CAGE1: variants seen among roughly 807,000 people sequenced by gnomAD.
CAGE1 encodes the protein cancer antigen 1, also known as cancer-associated gene 1 protein.
CAGE1 carries 66 observed loss-of-function variants against 94.9 expected under a neutral mutation model. The ratio of observed to expected loss-of-function variants is 0.70; its 90% CI spans 0.57 to 0.85. The LOEUF (loss-of-function observed/expected upper bound fraction) is 0.85. Among genes scored for constraint, CAGE1 ranks in the 40% least tolerant of loss-of-function variants. The pLI is 0.00. For missense variants in CAGE1, 865 were observed against 950.4 expected, an observed-to-expected ratio of 0.91 and a Z score of 1.18; for synonymous variants, 319 against 321.0, an observed-to-expected ratio of 0.99 and a Z score of 0.07.
At chr6:7,376,062 G>A (rs936021657) in intron 4 of CAGE1, among the ~76,000 whole-genome samples, 6 of 152,134 alleles carry the variant, frequency 3.9e-5, no homozygotes, top group African/African-American at 1.4e-4. Flanking sequence ...TATCACAGGA[G>A]TGTGTTAGTT....
chr6:7,355,026 G>T lies in CAGE1; in HGVS notation c.2369+15C>A. On this transcript the variant is annotated intron_variant, in intron 11 of 13. Transcript: ENST00000502583. Reference sequence around the variant, plus strand: ...TAAATATTCACAAAATTAAGGATTCGTTTTTTCAACTTACTGTGCAATCTG... The same window carrying T: ...TAAATATTCACAAAATTAAGGATTCTTTTTTTCAACTTACTGTGCAATCTG... 6.3e-7 allele frequency: 1 copy of T among 1,581,230 alleles called. No individual in the cohort carries two copies. Among genetic ancestry groups the T allele is most frequent in the Non-Finnish European group, 8.6e-7 (1 of 1,156,806 alleles).
intron 9 of CAGE1, among the ~76,000 whole-genome samples, chr6:7,360,048 C>T (rs1010308918): frequency 2.0e-5 from 3 of 152,120 alleles, no homozygotes; most frequent in African/African-American, 4.8e-5. Flanking sequence ...GCTTAGGTCC[C>T]CTCTCTTCAT....
chr6:7,381,939 A>G (rs564664571), intron 3 of CAGE1, among the ~76,000 whole-genome samples: 10 of 150,632 alleles, frequency 6.6e-5, no homozygotes, highest in Non-Finnish European at 8.9e-5. Context: ...TCCTGGGTTC[A>G]CGCCATTCTC....
At chr6:7,367,116 A>C (rs760941865) in intron 7 of CAGE1, among the ~76,000 whole-genome samples, 23 of 152,120 alleles carry the variant, frequency 1.5e-4, no homozygotes, top group Non-Finnish European at 3.1e-4. Context: ...AATAATTAAC[A>C]GCTAATGGTC....
intron 6 of CAGE1, among the ~76,000 whole-genome samples, chr6:7,369,260 G>A (rs1434631653): frequency 3.9e-5 from 6 of 152,034 alleles, no homozygotes; most frequent in Admixed American, 1.3e-4. Flanking sequence ...TGCCCGCCTC[G>A]GCCTCCCAAA....
intron 5 of CAGE1, among the ~76,000 whole-genome samples, chr6:7,372,015 A>C (rs1391689439): frequency 1.3e-5 from 2 of 152,198 alleles, no homozygotes; most frequent in African/African-American, 4.8e-5. Context: ...ATAATAAAAG[A>C]TTACAGCTTC....
chr6:7,349,619 A>G (rs1168834488), intron 11 of CAGE1, among the ~76,000 whole-genome samples: 1 of 152,180 alleles, frequency 6.6e-6, no homozygotes, highest in Non-Finnish European at 1.5e-5. Flanking sequence ...CACTTAAAAG[A>G]TACAGAACTG....
chr6:7,385,365 T>C (rs1344766193), intron 3 of CAGE1, among the ~76,000 whole-genome samples: 1 of 151,698 alleles, frequency 6.6e-6, no homozygotes, highest in Non-Finnish European at 1.5e-5. Context: ...TGCAGTGACA[T>C]GATCATAGCT....
chr6:7,375,949 T>A (rs1392519888), intron 4 of CAGE1, among the ~76,000 whole-genome samples: 1 of 152,150 alleles, frequency 6.6e-6, no homozygotes, highest in Non-Finnish European at 1.5e-5. Flanking sequence ...TTTAAATGCA[T>A]CCCCTAAAGT....
At chr6:7,330,960 A>G (rs1360434484) in intron 12 of CAGE1, among the ~76,000 whole-genome samples, 1 of 152,234 alleles carries the variant, frequency 6.6e-6, no homozygotes, top group Non-Finnish European at 1.5e-5. Flanking sequence ...AAAAAATTCC[A>G]TTGTTTCTCT....
rs1354873560 is a variant in CAGE1, at chr6:7,387,537, G to C, written c.-23-341C>G. ...CAAAATCCTGGATTTTTATTTACTT[G>C]ATACCTTCCACTTGAACACCTCACT... On this transcript the variant is annotated intron_variant, in intron 1 of 13. Transcript: ENST00000502583. 5.3e-5 allele frequency among the ~76,000 whole-genome samples: 8 copies of C among 152,184 alleles called. No homozygotes were observed. The South Asian group carries it at 1.2e-3, about 24-fold the overall frequency.
intron 3 of CAGE1, among the ~76,000 whole-genome samples, chr6:7,381,321 C>T (rs951956056): frequency 9.9e-5 from 15 of 152,128 alleles, no homozygotes; most frequent in African/African-American, 3.4e-4. Flanking sequence ...AGACAAAAGG[C>T]CATGTGAGAC....
rs115607124 is a variant in CAGE1, at chr6:7,383,054, G to A, written c.283+2731C>T. 3.7e-3 allele frequency among the ~76,000 whole-genome samples: 555 copies of A among 151,210 alleles called. 3 individuals are homozygous for A. The highest frequency in any genetic ancestry group is 0.011 in the Admixed American group (159 of 15,078). On this transcript the variant is annotated intron_variant, in intron 3 of 13. Transcript: ENST00000502583. ...CTGGTGGGAGGCAATTAAATCATGG[G>A]AACGGTTTTCCCCATGCTGTTCTTG... is the stretch of plus-strand genomic sequence containing the variant.
Position 7,339,672 on chromosome 6 carries a change from G to T in CAGE1, c.2370-5582C>A. On this transcript the variant is annotated intron_variant, in intron 11 of 13. Coordinates refer to ENST00000502583, the MANE Select transcript of CAGE1 (RefSeq NM_001170692.2). This position sits in a 1 kb window ranked among gnomAD's most constrained non-coding sequence, Gnocchi z 4.7. ...TATGAGTGAGAACATATGATGTTTG[G>T]TTTTCCATTCCTGAGCTACTTCACT... 1.7e-6 allele frequency: 1 copy of T among 585,326 alleles called. No individual in the cohort carries two copies. The highest frequency in any genetic ancestry group is 3.1e-6 in the Non-Finnish European group (1 of 326,408). 36.3% of individuals were successfully genotyped at this position (585,326 alleles called of 1,614,324 possible). A position where few individuals can be genotyped will look rare whatever the true frequency, so the allele number is the denominator to read the frequency against.
Position 7,373,097 on chromosome 6 carries a change from T to C in CAGE1, c.1722A>G (p.Glu574=), listed in dbSNP as rs1318728924. ...ETAQLKDQLE[E]VLKSDITKDT... ...CCTTGGTAATATCTGACTTCAAGAC[T>C]TCCTCTAATTGATCCTTTAACTGAG... is the stretch of plus-strand genomic sequence containing the variant. Residue 574 remains glutamate (E), a synonymous_variant, in exon 5 of 14, where the codon GAA becomes GAG. Transcript: ENST00000502583. 1.2e-6 allele frequency: 2 copies of C among 1,605,608 alleles called. No homozygotes were observed. The highest frequency in any genetic ancestry group is 1.7e-6 in the Non-Finnish European group (2 of 1,176,822).
Position 7,373,480 on chromosome 6 carries a change from T to C in CAGE1, c.1339A>G (p.Lys447Glu), listed in dbSNP as rs1373111160. Reference protein sequence around the residue: ...QYLEMDKTLSKKEEEVERLQQ... With the variant: ...QYLEMDKTLSEKEEEVERLQQ... ...AGTCTCTCTACCTCTTCTTCTTTCTTGCTTAAGGTTTTGTCCATCTCTAAA... is the reference window on the plus strand; with the variant it reads ...AGTCTCTCTACCTCTTCTTCTTTCTCGCTTAAGGTTTTGTCCATCTCTAAA... Residue 447 changes from lysine (K) to glutamate (E), a missense_variant, in exon 5 of 14, where the codon AAG becomes GAG. Physicochemically the swap from Lys to Glu is moderately conservative, Grantham distance 56. Transcript: ENST00000502583. 2 of 1,613,844 alleles carry C rather than the reference T, an allele frequency of 1.2e-6. No individual in the cohort carries two copies. The highest frequency in any genetic ancestry group is 2.7e-5 in the African/African-American group (2 of 74,944).
At position 7,339,402 on chromosome 6, in the gene CAGE1, T is replaced by C. The variant is rs1217152936; in HGVS notation, c.2370-5312A>G. 32 of 1,574,380 alleles carry C rather than the reference T, an allele frequency of 2.0e-5. No individual in the cohort carries two copies. In the Admixed American group the frequency reaches 4.5e-4, roughly 22 times the overall value. On this transcript the variant is annotated intron_variant, in intron 11 of 13. Coordinates refer to ENST00000502583, the MANE Select transcript of CAGE1 (RefSeq NM_001170692.2). The surrounding 1 kb of genome is among the most constrained non-coding windows in gnomAD (Gnocchi z 4.7). ...CCGGCCCTTCTCACCAAGAACATTC[T>C]GTGTTCTGGTGGCTAAGACAATGAT...
At position 7,366,688 on chromosome 6, in the gene CAGE1, G is replaced by A. The variant is rs1760351280; in HGVS notation, c.2005-804C>T. On this transcript the variant is annotated intron_variant, in intron 7 of 13. Coordinates refer to ENST00000502583, the MANE Select transcript of CAGE1 (RefSeq NM_001170692.2). ...CCTGTGTGACTCCATGAGGACTCTT[G>A]GAAGCCTGAGTTTTGCTTTCTCTAG... Among the ~76,000 whole-genome samples, 5 of 152,106 alleles carry A rather than the reference G, an allele frequency of 3.3e-5. No individual in the cohort carries two copies. In the South Asian group the frequency reaches 1.0e-3, roughly 32 times the overall value.
chr6:7,382,153 C>T (rs1379054705), intron 3 of CAGE1, among the ~76,000 whole-genome samples: 1 of 152,030 alleles, frequency 6.6e-6, no homozygotes, highest in African/African-American at 2.4e-5. Flanking sequence ...GTGCCTTTTT[C>T]TAAGTGACTT....
Sources: allele counts gnomAD v4.1 joint callset (sites outside exome capture counted in the v4.1 genomes callset), GRCh38; gene constraint gnomAD v4.1.1; non-coding constraint Gnocchi (gnomAD v3.1); transcripts MANE v1.5; gene names NCBI Gene and HGNC (gene_info 2026-07-23, HGNC 2026-07-21).